The following TMEM196 variants were observed in gnomAD, a reference collection of about 807,000 sequenced individuals.
TMEM196 encodes the protein transmembrane protein 196.
Under a neutral mutation model 20.0 loss-of-function variants are expected in TMEM196, and 17 were observed. That is an observed-to-expected ratio of 0.85 (90% CI 0.58 to 1.27). The LOEUF (loss-of-function observed/expected upper bound fraction) is 1.27, where lower values mean the gene tolerates loss of function less well. Ranked by LOEUF, TMEM196 falls within the 50% of genes most tolerant of loss-of-function variation. The pLI, the probability that TMEM196 is intolerant of heterozygous loss-of-function variation, is 0.00. For missense variants in TMEM196, 267 were observed against 223.0 expected (o/e 1.20, Z -1.26); for synonymous variants, 113 against 88.9 (o/e 1.27, Z -1.52).
intron 1 of TMEM196, among the ~76,000 whole-genome samples, chr7:19,740,351 C>G (rs947856718): frequency 1.3e-5 from 2 of 151,994 alleles, no homozygotes; most frequent in Admixed American, 6.6e-5. Flanking sequence ...TCTGGAAAAA[C>G]AAGAAACAAA....
At chr7:19,728,330 C>A (rs1361887290) in intron 2 of TMEM196, among the ~76,000 whole-genome samples, 1 of 152,024 alleles carries the variant, frequency 6.6e-6, no homozygotes, top group African/African-American at 2.4e-5. Flanking sequence ...AGAATGAAGA[C>A]CATGTGTAAA....
intron 1 of TMEM196, among the ~76,000 whole-genome samples, chr7:19,748,832 GA>G (rs1329792069): frequency 1.3e-5 from 2 of 152,128 alleles, no homozygotes; most frequent in African/African-American, 4.8e-5. Flanking sequence ...ATAATTATAT[GA>G]AATTGAAAGC....
Position 19,721,018 on chromosome 7 carries a change from C to T in TMEM196, c.*1110G>A, listed in dbSNP as rs190777596. 1.3e-5 allele frequency: 2 copies of T among 151,772 alleles called. No homozygotes were observed. Among genetic ancestry groups the T allele is most frequent in the Non-Finnish European group, 3.0e-5 (2 of 67,774 alleles). 9.4% of individuals were successfully genotyped at this position (151,772 alleles called of 1,614,324 possible). A position where few individuals can be genotyped will look rare whatever the true frequency, so the allele number is the denominator to read the frequency against. Reference sequence around the variant, plus strand: ...TTCGTTTATAAATTAATTTTAATTGCTATACATAAATACTATAATCATAGT... The same window carrying T: ...TTCGTTTATAAATTAATTTTAATTGTTATACATAAATACTATAATCATAGT... On this transcript the variant is annotated 3_prime_UTR_variant, in exon 5 of 5. Transcript: ENST00000405844.
Position 19,741,605 on chromosome 7 carries a change from CTG to C in TMEM196, c.148-12169_148-12168del, listed in dbSNP as rs374128669. On this transcript the variant is annotated intron_variant, in intron 1 of 4. Coordinates refer to ENST00000405844, the MANE Select transcript of TMEM196 (RefSeq NM_001363562.2). ...CCTTCCACATGTCACAGTCATGACACTGTGTGTTTCAGAAAGTTCTTTCTCAG... is the reference window on the plus strand; with the variant it reads ...CCTTCCACATGTCACAGTCATGACACTGTGTTTCAGAAAGTTCTTTCTCAG... Among the ~76,000 whole-genome samples, 504 of 152,242 alleles carry C rather than the reference CTG, an allele frequency of 3.3e-3. 5 individuals carry two copies. The highest frequency in any genetic ancestry group is 0.012 in the African/African-American group (479 of 41,542).
At chr7:19,731,588 T>C (rs1784204340) in intron 1 of TMEM196, among the ~76,000 whole-genome samples, 1 of 152,216 alleles carries the variant, frequency 6.6e-6, no homozygotes, top group South Asian at 2.1e-4. Context: ...CGAAAAGAAT[T>C]TGAAAGCAGT....
intron 3 of TMEM196, among the ~76,000 whole-genome samples, 184 bp downstream of exon 3, chr7:19,725,330 A>T (rs1783955379): frequency 6.6e-6 from 1 of 152,200 alleles, no homozygotes; most frequent in South Asian, 2.1e-4. Context: ...AATGTTGTTG[A>T]AAATAGGTGT....
rs1784120842 is a variant in TMEM196, at chr7:19,729,454, A to C, written c.148-16T>G. 6.5e-7 allele frequency: 1 copy of C among 1,549,752 alleles called. No individual in the cohort carries two copies. The highest frequency in any genetic ancestry group is 8.7e-7 in the Non-Finnish European group (1 of 1,146,638). On this transcript the variant is annotated splice_polypyrimidine_tract_variant and intron_variant, in intron 1 of 4. Coordinates refer to ENST00000405844, the MANE Select transcript of TMEM196 (RefSeq NM_001363562.2). The stretch of plus-strand genomic sequence containing the variant: ...AAAGAAGAAACTGAAAAGGAAAAGA[A>C]GAACAATTACTCCTTATCCAAAGAC...
intron 4 of TMEM196, among the ~76,000 whole-genome samples, chr7:19,723,085 A>G (rs17452368): frequency 0.026 from 3,905 of 152,238 alleles, 80 homozygotes; most frequent in Middle Eastern, 0.075. Context: ...ATCTATTTCT[A>G]TCTAGCTCTG....
rs777336637 is a variant in TMEM196 at position 19,725,579 on chromosome 7, C to A, written c.394G>T (p.Glu132Ter). 6.2e-7 allele frequency: 1 copy of A among 1,614,038 alleles called. No individual in the cohort carries two copies. Among genetic ancestry groups the A allele is most frequent in the South Asian group, 1.1e-5 (1 of 91,078 alleles). The change falls in exon 3 of 5, where the codon GAA becomes TAA. Residue 132 changes from glutamate (E) to a stop codon, truncating the protein, a stop_gained. Coordinates refer to ENST00000405844, the MANE Select transcript of TMEM196 (RefSeq NM_001363562.2). LOFTEE classifies it high-confidence loss of function. Reference sequence around the variant, plus strand: ...CTTTCTGAGAACATCCTCCTCTGTTCATAACTGGCTAGTCGACAAGTGAGC... The same window carrying A: ...CTTTCTGAGAACATCCTCCTCTGTTAATAACTGGCTAGTCGACAAGTGAGC... ...SWLTCRLASY[E>*]QRRMFSEREH...
chr7:19,745,187 T>C (rs539098448), intron 1 of TMEM196, among the ~76,000 whole-genome samples: 1 of 152,342 alleles, frequency 6.6e-6, no homozygotes, highest in Admixed American at 6.5e-5. Flanking sequence ...ATAGTTGTTA[T>C]ACTATATTGT....
chr7:19,724,252 C>G, intron 4 of TMEM196, 28 bp downstream of exon 4: 1 of 1,547,388 alleles, frequency 6.5e-7, no homozygotes, highest in Non-Finnish European at 8.7e-7. Context: ...GACATTACAA[C>G]ATGGTAACTC....
At chr7:19,729,526 T>C (rs1031694749) in intron 1 of TMEM196, 88 bp from the exon 2 acceptor site, 1 of 1,195,192 alleles carries the variant, frequency 8.4e-7, no homozygotes, top group Non-Finnish European at 1.2e-6. Context: ...TGACACTTTC[T>C]CCAGGGAAGA....
chr7:19,752,570 T>C (rs1190609120), intron 1 of TMEM196, among the ~76,000 whole-genome samples: 1 of 152,050 alleles, frequency 6.6e-6, no homozygotes, highest in Non-Finnish European at 1.5e-5. Flanking sequence ...TAGTGCCTTA[T>C]TTTCTCGTTC....
intron 1 of TMEM196, among the ~76,000 whole-genome samples, chr7:19,771,472 G>T (rs922516892): frequency 1.3e-5 from 2 of 152,050 alleles, no homozygotes; most frequent in African/African-American, 4.8e-5. Context: ...AATTACTTTT[G>T]AATAATTTTT....
intron 1 of TMEM196, among the ~76,000 whole-genome samples, chr7:19,752,331 C>G (rs934264164): frequency 9.8e-5 from 15 of 152,286 alleles, no homozygotes; most frequent in African/African-American, 3.6e-4. Context: ...TTACTGTTCT[C>G]TCAAAACTCA....
intron 1 of TMEM196, among the ~76,000 whole-genome samples, chr7:19,751,925 C>T (rs1785003953): frequency 6.6e-6 from 1 of 152,018 alleles, no homozygotes; most frequent in South Asian, 2.1e-4. Context: ...AACCTCTGGC[C>T]CTAATACACT....
intron 1 of TMEM196, among the ~76,000 whole-genome samples, chr7:19,745,472 T>G (rs192829634): frequency 1.1e-4 from 16 of 152,086 alleles, no homozygotes; most frequent in Admixed American, 9.2e-4. Flanking sequence ...ATTTTCACCT[T>G]TCCCTGAAGA....
At chr7:19,763,480 A>C (rs1785508640) in intron 1 of TMEM196, among the ~76,000 whole-genome samples, 2 of 152,208 alleles carry the variant, frequency 1.3e-5, no homozygotes, top group Admixed American at 1.3e-4. Context: ...TTGGTATTCC[A>C]ACATTGATCT....
chr7:19,724,929 A>G (rs1783939388), intron 3 of TMEM196, among the ~76,000 whole-genome samples: 1 of 152,210 alleles, frequency 6.6e-6, no homozygotes, highest in African/African-American at 2.4e-5. Context: ...TCCTATTTAT[A>G]TGGGTTTCAT....
Sources: allele counts gnomAD v4.1 joint callset (sites outside exome capture counted in the v4.1 genomes callset), GRCh38; gene constraint gnomAD v4.1.1; transcripts MANE v1.5; gene names NCBI Gene and HGNC (gene_info 2026-07-23, HGNC 2026-07-21).